Variants in BMPR1B observed in about 807,000 individuals in gnomAD.
BMPR1B encodes bone morphogenetic protein receptor type-1B.
Under a neutral mutation model 59.1 loss-of-function variants are expected in BMPR1B, and 12 were observed. The observed-to-expected ratio is 0.20, with a 90% confidence interval of 0.13 to 0.33. The LOEUF (loss-of-function observed/expected upper bound fraction) is 0.33. Among genes scored for constraint, BMPR1B ranks in the 10% least tolerant of loss-of-function variants. BMPR1B has a pLI of 1.00. For missense variants in BMPR1B, 550 were observed against 610.9 expected, an observed-to-expected ratio of 0.90 and a Z score of 1.05; for synonymous variants, 237 against 207.3, an observed-to-expected ratio of 1.14 and a Z score of -1.23.
chr4:94,921,688 C>T (rs528520867), intron 2 of BMPR1B, among the ~76,000 whole-genome samples: 1 of 152,088 alleles, frequency 6.6e-6, no homozygotes, highest in South Asian at 2.1e-4. Flanking sequence ...GGCCCCATCT[C>T]CAATATTAGG....
intron 1 of BMPR1B, among the ~76,000 whole-genome samples, chr4:94,832,965 G>GA (rs1248428276): frequency 1.3e-5 from 2 of 152,040 alleles, no homozygotes; most frequent in Non-Finnish European, 2.9e-5. Context: ...GGGGCGGGGG[G>GA]ATCCCTTGAG....
chr4:94,811,442 C>G (rs1203725496), intron 1 of BMPR1B, among the ~76,000 whole-genome samples: 1 of 152,200 alleles, frequency 6.6e-6, no homozygotes, highest in Admixed American at 6.5e-5. Context: ...CATCACCTAA[C>G]TGCAAAAGAC....
chr4:95,112,991 A>G (rs1731740961), intron 4 of BMPR1B, among the ~76,000 whole-genome samples: 1 of 152,022 alleles, frequency 6.6e-6, no homozygotes, highest in South Asian at 2.1e-4. Flanking sequence ...GGATGACCAT[A>G]TTTTCCGGTA....
At chr4:95,116,421 G>GCGCGCGCGCGCACACACACA in intron 6 of BMPR1B, among the ~76,000 whole-genome samples, 25 of 123,246 alleles carry the variant, frequency 2.0e-4, no homozygotes, top group African/African-American at 7.9e-4. Context: ...TTCAGCGCGC[G>GCGCGCGCGCGCACACACACA]CACACACACA....
chr4:94,962,488 C>T (rs72671222), intron 2 of BMPR1B, among the ~76,000 whole-genome samples: 17,255 of 152,064 alleles, frequency 0.11, 1,142 homozygotes, highest in Middle Eastern at 0.18. Flanking sequence ...CTCTCCGCTA[C>T]CCTTGCTAGC....
At chr4:95,102,115 G>T (rs945515445) in intron 3 of BMPR1B, among the ~76,000 whole-genome samples, 3 of 152,154 alleles carry the variant, frequency 2.0e-5, no homozygotes, top group Non-Finnish European at 2.9e-5. Context: ...AATATGAGTT[G>T]TTATAAGCAA....
intron 3 of BMPR1B, among the ~76,000 whole-genome samples, chr4:95,070,642 C>T (rs1354515988): frequency 6.6e-6 from 1 of 152,028 alleles, no homozygotes; most frequent in Admixed American, 6.6e-5. Context: ...GAAGTTTTGC[C>T]TTGAGTTAGT....
At chr4:95,096,750 T>C (rs1240769590) in intron 3 of BMPR1B, among the ~76,000 whole-genome samples, 9 of 18,738 alleles carry the variant, frequency 4.8e-4, no homozygotes, top group Admixed American at 1.1e-3. Context: ...TATAACTATA[T>C]ATAGTTATAT....
chr4:94,821,157 A>G (rs995974361), intron 1 of BMPR1B, among the ~76,000 whole-genome samples: 1 of 152,242 alleles, frequency 6.6e-6, no homozygotes, highest in Non-Finnish European at 1.5e-5. Flanking sequence ...TGTGTTACAC[A>G]GCTATACTTG....
chr4:94,806,340 G>T (rs972968702), intron 1 of BMPR1B, among the ~76,000 whole-genome samples: 6 of 152,104 alleles, frequency 3.9e-5, no homozygotes, highest in Admixed American at 3.3e-4. Flanking sequence ...TACATACTTG[G>T]CCCAGTGATT....
chr4:94,824,373 T>A (rs139761699), intron 1 of BMPR1B, among the ~76,000 whole-genome samples: 2 of 152,334 alleles, frequency 1.3e-5, no homozygotes, highest in African/African-American at 4.8e-5. Context: ...ATGGTTCTTG[T>A]CTCTTCAGTG....
chr4:94,814,176 A>G (rs1005823162), intron 1 of BMPR1B, among the ~76,000 whole-genome samples: 1 of 152,264 alleles, frequency 6.6e-6, no homozygotes, highest in Admixed American at 6.5e-5. Context: ...GCATGAAAAA[A>G]GAATTGTTTT....
intron 3 of BMPR1B, among the ~76,000 whole-genome samples, chr4:95,030,875 A>G (rs1400835104): frequency 6.6e-6 from 1 of 152,244 alleles, no homozygotes; most frequent in Non-Finnish European, 1.5e-5. Context: ...AAAAGAGGAT[A>G]CAAAGAAATG....
At chr4:95,124,838 T>C in intron 7 of BMPR1B, 145 bp from the exon 8 acceptor site, 4 of 754,216 alleles carry the variant, frequency 5.3e-6, no homozygotes, top group Non-Finnish European at 8.6e-6. Context: ...TGGGAAACCA[T>C]AACTAAGAGT....
intron 1 of BMPR1B, among the ~76,000 whole-genome samples, chr4:94,807,277 G>A (rs1191736010): frequency 6.6e-6 from 1 of 151,980 alleles, no homozygotes; most frequent in African/African-American, 2.4e-5. Context: ...GCAGTTTTTA[G>A]TACAGATGGG....
intron 10 of BMPR1B, among the ~76,000 whole-genome samples, chr4:95,132,248 A>G (rs1733413810): frequency 3.3e-5 from 5 of 152,148 alleles, no homozygotes; most frequent in Admixed American, 1.3e-4. Context: ...TCGTATAACT[A>G]CCTTTTAAAG....
At chr4:94,913,958 A>G (rs908174267) in intron 2 of BMPR1B, among the ~76,000 whole-genome samples, 9 of 152,198 alleles carry the variant, frequency 5.9e-5, no homozygotes, top group African/African-American at 1.7e-4. Flanking sequence ...CTTATTGGAT[A>G]GGGTAGGTCC....
chr4:94,917,541 G>C (rs372791199), intron 2 of BMPR1B, among the ~76,000 whole-genome samples: 2 of 152,190 alleles, frequency 1.3e-5, no homozygotes, highest in African/African-American at 4.8e-5. Context: ...CTTCAGTGGG[G>C]TCTGTAGCCT....
intron 1 of BMPR1B, among the ~76,000 whole-genome samples, chr4:94,823,551 T>C (rs1724279255): frequency 6.6e-6 from 1 of 152,074 alleles, no homozygotes; most frequent in Non-Finnish European, 1.5e-5. Context: ...ATGGTCACAG[T>C]TTATGAAGAA....
Sources: allele counts gnomAD v4.1 joint callset (sites outside exome capture counted in the v4.1 genomes callset), GRCh38; gene constraint gnomAD v4.1.1; transcripts MANE v1.5; gene names NCBI Gene and HGNC (gene_info 2026-07-23, HGNC 2026-07-21).